KCNH6: variants seen among roughly 807,000 people sequenced by gnomAD.
The protein encoded by KCNH6 is potassium voltage-gated channel subfamily H member 6.
KCNH6 carries 81 observed loss-of-function variants against 83.4 expected under a neutral mutation model. The observed-to-expected ratio is 0.97, with a 90% confidence interval of 0.81 to 1.17. KCNH6 has a LOEUF of 1.17. KCNH6 is among the 50% of genes most tolerant of loss of function. The pLI is 0.00. For synonymous variants in KCNH6, 503 were observed against 545.6 expected, an observed-to-expected ratio of 0.92 and a Z score of 1.09; for missense variants, 1,203 against 1,290.5, an observed-to-expected ratio of 0.93 and a Z score of 1.04.
rs377500128 is a variant in KCNH6 at position 63,523,533 on chromosome 17, G to T, written c.76+44G>T. ...GGGCGGGGGGACGATCTGGAGTCCTGGTTCCGTGAAAGGGGGGGCTGGACC... is the reference window on the plus strand; with the variant it reads ...GGGCGGGGGGACGATCTGGAGTCCTTGTTCCGTGAAAGGGGGGGCTGGACC... On this transcript the variant is annotated intron_variant, in intron 1 of 12. Transcript: ENST00000314672. The surrounding 1 kb of genome is among the most constrained non-coding windows in gnomAD (Gnocchi z 4.2). 1.9e-6 allele frequency: 3 copies of T among 1,563,986 alleles called. No homozygotes were observed. The highest frequency in any genetic ancestry group is 2.6e-6 in the Non-Finnish European group (3 of 1,147,700).
At position 63,534,838 on chromosome 17, in the gene KCNH6, T is replaced by G. The variant is rs1001447467; in HGVS notation, c.1101+527T>G. On this transcript the variant is annotated intron_variant, in intron 5 of 12. Coordinates refer to ENST00000314672, the MANE Select transcript of KCNH6 (RefSeq NM_001278919.2). This position sits in a 1 kb window ranked among gnomAD's most constrained non-coding sequence, Gnocchi z 5.0. ...CTGAAATCAACTCTGCCTTCTGTGT[T>G]CCAGTGCCCCCTTATCACCCCAGCC... 3.3e-5 allele frequency among the ~76,000 whole-genome samples: 5 copies of G among 152,094 alleles called. No individual in the cohort carries two copies. Among genetic ancestry groups the G allele is most frequent in the African/African-American group, 1.2e-4 (5 of 41,408 alleles).
rs1212226954 is a variant in KCNH6, at chr17:63,544,245, G to A, written c.2234-4G>A. 1 of 1,580,794 alleles carries A rather than the reference G, an allele frequency of 6.3e-7. No homozygotes were observed. The highest frequency in any genetic ancestry group is 8.6e-7 in the Non-Finnish European group (1 of 1,160,662). On this transcript the variant is annotated splice_region_variant and splice_polypyrimidine_tract_variant and intron_variant, in intron 10 of 12. Coordinates refer to ENST00000314672, the MANE Select transcript of KCNH6 (RefSeq NM_001278919.2). ...CAGCTGAGACTTCCCTTTCCCTCCT[G>A]CAGATGCAGCCCCTCCCCTGAGCAT...
Position 63,530,451 on chromosome 17 carries a change from A to G in KCNH6, c.584A>G (p.Lys195Arg). The change falls in exon 4 of 13, where the codon AAG becomes AGG. Residue 195 changes from lysine to arginine, a missense_variant. Coordinates refer to ENST00000314672, the MANE Select transcript of KCNH6 (RefSeq NM_001278919.2). ...AACTTCGTGGAGTTCAACTTGGAGA[A>G]GCACCGCTCCAGCTCCACCACGGAG... ...TLNFVEFNLE[K>R]HRSSSTTEIE... 1 of 1,614,248 alleles carries G rather than the reference A, an allele frequency of 6.2e-7. No individual in the cohort carries two copies.
chr17:63,538,563 G>A lies in KCNH6; in HGVS notation c.1855G>A (p.Asp619Asn), dbSNP rs1246535616. 1 of 1,612,806 alleles carries A rather than the reference G, an allele frequency of 6.2e-7. No individual in the cohort carries two copies. Residue 619 changes from aspartate to asparagine, a missense_variant, in exon 8 of 13, where the codon GAC (aspartate) becomes AAC (asparagine). Physicochemically the swap from Asp to Asn is conservative, Grantham distance 23. Transcript: ENST00000314672. This position sits in a 1 kb window ranked among gnomAD's most constrained non-coding sequence, Gnocchi z 4.0. ...KFKTTHAPPG[D>N]TLVHLGDVLS... The stretch of plus-strand genomic sequence containing the variant: ...CAAGACCACCCACGCGCCGCCTGGG[G>A]ACACGCTGGTGCACCTCGGCGACGT...
chr17:63,541,168 A>G (rs563580658), intron 8 of KCNH6, among the ~76,000 whole-genome samples: 4 of 152,258 alleles, frequency 2.6e-5, no homozygotes, highest in African/African-American at 9.6e-5. Flanking sequence ...TGGCCAGCAC[A>G]GCACCTGGCA....
Position 63,538,309 on chromosome 17 carries a change from C to A in KCNH6, c.1701+45C>A. On this transcript the variant is annotated intron_variant, in intron 7 of 12. Coordinates refer to ENST00000314672, the MANE Select transcript of KCNH6 (RefSeq NM_001278919.2). This position sits in a 1 kb window ranked among gnomAD's most constrained non-coding sequence, Gnocchi z 4.0. ...CTAATGCCCCGGGCGTGGGGGGGAGCCAAGATCCTGCGGGGGCGGGGCGTC... is the reference window on the plus strand; with the variant it reads ...CTAATGCCCCGGGCGTGGGGGGGAGACAAGATCCTGCGGGGGCGGGGCGTC... 3.8e-6 allele frequency: 6 copies of A among 1,595,502 alleles called. No homozygotes were observed. The highest frequency in any genetic ancestry group is 5.1e-6 in the Non-Finnish European group (6 of 1,165,944).
chr17:63,523,557 C>A lies in KCNH6; in HGVS notation c.76+68C>A. On this transcript the variant is annotated intron_variant, in intron 1 of 12. Coordinates refer to ENST00000314672, the MANE Select transcript of KCNH6 (RefSeq NM_001278919.2). This position sits in a 1 kb window ranked among gnomAD's most constrained non-coding sequence, Gnocchi z 4.2. Reference sequence around the variant, plus strand: ...TGGTTCCGTGAAAGGGGGGGCTGGACCCCTTTACTAACTTCTAACCGGGCA... The same window carrying A: ...TGGTTCCGTGAAAGGGGGGGCTGGAACCCTTTACTAACTTCTAACCGGGCA... The A allele has an allele frequency of 6.9e-7, 1 of 1,445,328 alleles. No homozygotes were observed. Among genetic ancestry groups the A allele is most frequent in the South Asian group, 1.2e-5 (1 of 83,490 alleles). 89.5% of individuals were successfully genotyped at this position (1,445,328 alleles called of 1,614,324 possible). A position where few individuals can be genotyped will look rare whatever the true frequency, so the allele number is the denominator to read the frequency against.
chr17:63,544,142 C>A, intron 10 of KCNH6, 107 bp from the exon 11 acceptor site: 1 of 1,599,776 alleles, frequency 6.3e-7, no homozygotes, highest in South Asian at 1.1e-5. Context: ...ACTCCTCACA[C>A]CCTGTGTCCC....
At chr17:63,542,568 A>G in intron 9 of KCNH6, 134 bp downstream of exon 9, 1 of 748,052 alleles carries the variant, frequency 1.3e-6, no homozygotes, top group Non-Finnish European at 2.2e-6. Flanking sequence ...TTTTGTGCCT[A>G]CCATGGCTGG....
At chr17:63,543,393 A>G (rs940714534) in intron 9 of KCNH6, among the ~76,000 whole-genome samples, 183 bp from the exon 10 acceptor site, 4 of 151,914 alleles carry the variant, frequency 2.6e-5, no homozygotes, top group African/African-American at 9.7e-5. Context: ...CCAGGACAGG[A>G]GGGGTGTGGT....
rs1189445019 is a variant in KCNH6, at chr17:63,538,204, G to A, written c.1641G>A (p.Gln547=). The change falls in exon 7 of 13, where the codon CAG becomes CAA. Residue 547 remains glutamine, a synonymous_variant. Transcript: ENST00000314672. This position sits in a 1 kb window ranked among gnomAD's most constrained non-coding sequence, Gnocchi z 4.0. ...RFHQIPNPLR[Q]RLEEYFQHAW... The stretch of plus-strand genomic sequence containing the variant: ...ACCAGATCCCCAACCCACTGCGCCA[G>A]CGCCTGGAGGAGTATTTCCAGCACG... 1.2e-6 allele frequency: 2 copies of A among 1,614,226 alleles called. No homozygotes were observed. The highest frequency in any genetic ancestry group is 1.3e-5 in the African/African-American group (1 of 75,074).
intron 2 of KCNH6, 81 bp downstream of exon 2, chr17:63,524,450 C>T: frequency 4.0e-6 from 5 of 1,238,848 alleles, no homozygotes; most frequent in Non-Finnish European, 5.8e-6. Context: ...TTGGGGAAGG[C>T]ACTGACCCAG....
chr17:63,533,981 C>T lies in KCNH6; in HGVS notation c.771C>T (p.Ala257=), dbSNP rs267604984. The T allele has an allele frequency of 6.8e-6, 11 of 1,614,054 alleles. No individual in the cohort carries two copies. The highest frequency in any genetic ancestry group is 1.3e-5 in the African/African-American group (1 of 74,908). The stretch of plus-strand genomic sequence containing the variant: ...TCCTGCACTACAGCCCCTTCAAGGC[C>T]GTGTGGGACTGGCTCATCCTGCTGC... ...WTILHYSPFK[A]VWDWLILLLV... The change falls in exon 5 of 13, where the codon GCC becomes GCT. Residue 257 remains alanine (A), a synonymous_variant. Transcript: ENST00000314672. The surrounding 1 kb of genome is among the most constrained non-coding windows in gnomAD (Gnocchi z 4.1).
intron 9 of KCNH6, 21 bp downstream of exon 9, chr17:63,542,455 C>T (rs753948070): frequency 6.2e-7 from 1 of 1,608,294 alleles, no homozygotes; most frequent in Non-Finnish European, 8.5e-7. Context: ...GCCAGGTGGG[C>T]CAGGGTGGGT....
chr17:63,523,437 C>T lies in KCNH6; in HGVS notation c.24C>T (p.Val8=). The T allele has an allele frequency of 1.9e-6, 3 of 1,604,132 alleles. No individual in the cohort carries two copies. Among genetic ancestry groups the T allele is most frequent in the South Asian group, 1.1e-5 (1 of 90,430 alleles). ...AGATGCCGGTCCGCAGGGGCCACGT[C>T]GCTCCCCAAAACACTTACCTGGACA... MPVRRGH[V]APQNTYLDTI... Residue 8 remains valine (V), a synonymous_variant, in exon 1 of 13, where the codon GTC becomes GTT. Coordinates refer to ENST00000314672, the MANE Select transcript of KCNH6 (RefSeq NM_001278919.2). The surrounding 1 kb of genome is among the most constrained non-coding windows in gnomAD (Gnocchi z 4.2).
chr17:63,544,556 T>TC (rs1401274252), intron 11 of KCNH6, 145 bp downstream of exon 11: 1 of 641,508 alleles, frequency 1.6e-6, no homozygotes, highest in Non-Finnish European at 2.4e-6. Flanking sequence ...TAAGCACAAT[T>TC]CCCCCAATGA....
chr17:63,539,902 C>T (rs1487923769), intron 8 of KCNH6, among the ~76,000 whole-genome samples: 1 of 152,210 alleles, frequency 6.6e-6, no homozygotes, highest in Non-Finnish European at 1.5e-5. Context: ...CCCCATGGTC[C>T]ATGCATGGCA....
chr17:63,536,255 C>T, intron 6 of KCNH6, 187 bp downstream of exon 6: 1 of 603,810 alleles, frequency 1.7e-6, no homozygotes, highest in Admixed American at 3.1e-5. Flanking sequence ...ATTTAACACC[C>T]ACACAGCCCA....
rs570880437 is a variant in KCNH6, at chr17:63,545,509, G to C, written c.2584-100G>C. 3 of 1,269,272 alleles carry C rather than the reference G, an allele frequency of 2.4e-6. No individual in the cohort carries two copies. The Admixed American group carries it at 6.5e-5, about 27-fold the overall frequency. The allele number at this position is 1,269,272 out of a possible 1,614,324, so 78.6% of individuals were successfully genotyped here. ...AGGGCAGCAGGACCCTGAGGTGTGG[G>C]AAGGGCAGGTACAATTTTTGCCTGA... On this transcript the variant is annotated intron_variant, in intron 12 of 12. Coordinates refer to ENST00000314672, the MANE Select transcript of KCNH6 (RefSeq NM_001278919.2).
Sources: gnomAD v4.1 joint callset for allele counts (sites outside exome capture counted in the v4.1 genomes callset) on GRCh38, gnomAD v4.1.1 for gene constraint, Gnocchi (gnomAD v3.1) non-coding constraint, MANE v1.5 for transcripts, NCBI Gene and HGNC (gene_info 2026-07-23, HGNC 2026-07-21) for gene names.